TGIF1: variants seen among roughly 807,000 people sequenced by gnomAD.
TGIF1 encodes homeobox protein TGIF1.
In TGIF1, 4 loss-of-function variants were observed where a neutral mutation model predicts 19.3. That is an observed-to-expected ratio of 0.21 (90% CI 0.10 to 0.47). TGIF1 has a LOEUF of 0.47. Among genes scored for constraint, TGIF1 ranks in the 20% least tolerant of loss-of-function variants. The probability of loss-of-function intolerance (pLI) is 0.98; values close to 1 mark genes in which losing one functional copy is unlikely to be tolerated. For missense variants in TGIF1, 275 were observed against 341.4 expected, an observed-to-expected ratio of 0.81 and a Z score of 1.53; for synonymous variants, 122 against 129.3, an observed-to-expected ratio of 0.94 and a Z score of 0.38.
chr18:3,447,987 T>C (rs2082775163), upstream of TGIF1: 1 of 929,124 alleles, frequency 1.1e-6, no homozygotes, highest in African/African-American at 1.8e-5. Flanking sequence ...AAAGCTACCT[T>C]TGTGTACATA....
chr18:3,419,943 T>C (rs1487366039), intron 2 of TGIF1, among the ~76,000 whole-genome samples: 1 of 151,664 alleles, frequency 6.6e-6, no homozygotes, highest in Non-Finnish European at 1.5e-5. Context: ...GAGGCAGAGG[T>C]TGCACTGAAC....
chr18:3,453,489 C>T (rs1401556252), intron 1 of TGIF1, among the ~76,000 whole-genome samples: 2 of 151,878 alleles, frequency 1.3e-5, no homozygotes, highest in Non-Finnish European at 2.9e-5. Context: ...GAGTTCGAGA[C>T]CAGCCTGACC....
upstream of TGIF1, chr18:3,448,071 G>A (rs760001161): frequency 3.1e-6 from 3 of 973,130 alleles, no homozygotes; most frequent in Non-Finnish European, 3.6e-6. Context: ...GGCTAAAGCG[G>A]GCGGGGGGGG....
At chr18:3,420,482 T>G (rs1436355941) in intron 2 of TGIF1, among the ~76,000 whole-genome samples, 14 of 152,058 alleles carry the variant, frequency 9.2e-5, no homozygotes. Flanking sequence ...TAAACTACAA[T>G]TAAGGTACAT....
chr18:3,417,402 C>T (rs943502920), intron 1 of TGIF1, among the ~76,000 whole-genome samples: 25 of 152,188 alleles, frequency 1.6e-4, no homozygotes. Context: ...TCAGGTCATC[C>T]ACCTGCCTCA....
At position 3,414,467 on chromosome 18, in the gene TGIF1, GTAGCCAGAGTTCATCTCTAAGTC is replaced by G. The variant is rs1209746162; in HGVS notation, c.-118+2219_-118+2241del. Among the ~76,000 whole-genome samples the G allele has an allele frequency of 2.0e-5, 3 of 152,284 alleles. No homozygotes were observed. In the East Asian group the frequency reaches 5.8e-4, roughly 29 times the overall value. ...CACCTCCCTTCAGTTTTCTGGCTTTGTAGCCAGAGTTCATCTCTAAGTCTAGCCCCAGTTGGGTTGGTGATCCT... is the reference window on the plus strand; with the variant it reads ...CACCTCCCTTCAGTTTTCTGGCTTTGTAGCCCCAGTTGGGTTGGTGATCCT... On this transcript the variant is annotated intron_variant, in intron 1 of 3. Coordinates refer to the TGIF1 transcript ENST00000401449.
intron 2 of TGIF1, among the ~76,000 whole-genome samples, chr18:3,425,451 C>G (rs1598861014): frequency 1.3e-5 from 2 of 152,202 alleles, no homozygotes; most frequent in Non-Finnish European, 2.9e-5. Flanking sequence ...AGCCATTATT[C>G]CGAAAGTCAT....
chr18:3,447,751 G>C (rs1406958827), upstream of TGIF1: 3 of 1,614,094 alleles, frequency 1.9e-6, no homozygotes, highest in Admixed American at 5.0e-5. Context: ...TGACTTGCTC[G>C]GGCAAAAGTT....
At chr18:3,446,501 C>T (rs1431934962), upstream of TGIF1, among the ~76,000 whole-genome samples, 2 of 152,060 alleles carry the variant, frequency 1.3e-5, no homozygotes, top group Admixed American at 6.6e-5. Context: ...TCGTTTTATC[C>T]CCTGGATTCC....
exon 1 of TGIF1, chr18:3,412,240 C>G (rs1180270459): frequency 6.6e-6 from 1 of 152,214 alleles, no homozygotes; most frequent in Non-Finnish European, 1.5e-5. Context: ...AGGAGCTCCT[C>G]ATCGAGAAAC....
intron 1 of TGIF1, chr18:3,452,417 CA>C: frequency 6.2e-7 from 1 of 1,612,862 alleles, no homozygotes; most frequent in Non-Finnish European, 8.5e-7. Flanking sequence ...GCGACTGGTT[CA>C]GGGCTCTTTG....
At chr18:3,426,929 T>G (rs976348995) in intron 2 of TGIF1, among the ~76,000 whole-genome samples, 4 of 149,134 alleles carry the variant, frequency 2.7e-5, no homozygotes, top group Non-Finnish European at 4.5e-5. Flanking sequence ...TTTTTTTTTT[T>G]TTTTTTTTTT....
chr18:3,447,412 G>C (rs932038296), upstream of TGIF1, among the ~76,000 whole-genome samples: 7 of 150,534 alleles, frequency 4.7e-5, no homozygotes, highest in African/African-American at 1.5e-4. Flanking sequence ...CCCCGAGACT[G>C]GAAGGGACTG....
At chr18:3,413,451 T>C (rs2082294669) in intron 1 of TGIF1, among the ~76,000 whole-genome samples, 1 of 152,236 alleles carries the variant, frequency 6.6e-6, no homozygotes, top group Admixed American at 6.5e-5. Context: ...TTTATAATAT[T>C]GAAACTTTCA....
upstream of TGIF1, chr18:3,448,279 C>T: frequency 1.0e-6 from 1 of 985,446 alleles, no homozygotes; most frequent in Non-Finnish European, 1.2e-6. Flanking sequence ...GTCTCTCCTC[C>T]CTCCGCTCCC....
At chr18:3,442,299 T>C (rs2082685533) in intron 2 of TGIF1, among the ~76,000 whole-genome samples, 2 of 152,110 alleles carry the variant, frequency 1.3e-5, no homozygotes, top group African/African-American at 4.8e-5. Context: ...CTGTGATAAA[T>C]GGAAATGTGG....
chr18:3,426,359 G>A lies in TGIF1; in HGVS notation c.-45+8144G>A, dbSNP rs534134285. ...GATTTTTGTGTTTTGTATAGAGACA[G>A]GGTTTCACTGTGTTGTCTAGGCTGG... is the stretch of plus-strand genomic sequence containing the variant. On this transcript the variant is annotated intron_variant, in intron 2 of 3. Coordinates refer to the TGIF1 transcript ENST00000401449. Among the ~76,000 whole-genome samples the A allele has an allele frequency of 7.2e-5, 11 of 152,054 alleles. No individual in the cohort carries two copies. In the South Asian group the frequency reaches 2.3e-3, roughly 32 times the overall value.
At chr18:3,452,523 G>A in intron 1 of TGIF1, 6 of 1,283,246 alleles carry the variant, frequency 4.7e-6, no homozygotes. Flanking sequence ...GAGAAGGTGG[G>A]ATTCACGGCC....
In TGIF1 at chr18:3,452,360, C is replaced by T. The variant is rs754199600; in HGVS notation, c.16+1855C>T. ...GCGCACAGGGTCCAGCTCCTCGGCG[C>T]CGACTCCTGGAAACAATGAAAGGTG... is the stretch of plus-strand genomic sequence containing the variant. On this transcript the variant is annotated intron_variant, in intron 1 of 2. Coordinates refer to ENST00000343820, the MANE Select transcript of TGIF1 (RefSeq NM_003244.4). The T allele has an allele frequency of 2.5e-6, 4 of 1,613,290 alleles. No individual in the cohort carries two copies. The South Asian group carries it at 4.4e-5, about 18-fold the overall frequency.
Sources: gnomAD v4.1 joint callset for allele counts (sites outside exome capture counted in the v4.1 genomes callset) on GRCh38, gnomAD v4.1.1 for gene constraint, MANE v1.5 for transcripts, NCBI Gene and HGNC (gene_info 2026-07-23, HGNC 2026-07-21) for gene names.